Variants in SH3BP2 observed in about 807,000 individuals in gnomAD.
The protein encoded by SH3BP2 is SH3 domain-binding protein 2.
In SH3BP2, 38 loss-of-function variants were observed where a neutral mutation model predicts 56.2. The ratio of observed to expected loss-of-function variants is 0.68; its 90% confidence interval spans 0.52 to 0.89. The LOEUF is 0.89. Ranked by LOEUF, SH3BP2 falls within the 40% of genes least tolerant of loss-of-function variation. SH3BP2 has a pLI of 0.00. For missense variants in SH3BP2, 748 were observed against 762.6 expected (o/e 0.98, Z 0.23); for synonymous variants, 346 against 316.7 (o/e 1.09, Z -0.98).
rs9994090 is a variant in SH3BP2 at position 2,798,788 on chromosome 4, G to T, written c.-5+5650G>T. On this transcript the variant is annotated intron_variant, in intron 1 of 12. Coordinates refer to ENST00000503393, the MANE Select transcript of SH3BP2 (RefSeq NM_001122681.2). ...GCCATCACCTCTTGTGGCCTCAGGC[G>T]TTCCCAGGCTGAGACCTCTAGGAAC... Among the ~76,000 whole-genome samples the T allele has an allele frequency of 4.1e-3, 632 of 152,330 alleles. 5 individuals carry two copies. The highest frequency in any genetic ancestry group is 0.014 in the African/African-American group (601 of 41,566).
At chr4:2,813,879 G>A (rs1395535620) in intron 1 of SH3BP2, among the ~76,000 whole-genome samples, 3 of 152,206 alleles carry the variant, frequency 2.0e-5, no homozygotes, top group Admixed American at 6.5e-5. Context: ...ATGCATGAGT[G>A]TGACAGGATG....
At chr4:2,813,379 G>C (rs1723848280) in intron 1 of SH3BP2, among the ~76,000 whole-genome samples, 1 of 152,266 alleles carries the variant, frequency 6.6e-6, no homozygotes, top group Non-Finnish European at 1.5e-5. Flanking sequence ...TGAAGCTCAA[G>C]GTGTTGGATG....
rs538175251 is a variant in SH3BP2, at chr4:2,837,948, G to A, written c.*4114G>A. 2.0e-5 allele frequency: 3 copies of A among 152,238 alleles called. No homozygotes were observed. Among genetic ancestry groups the A allele is most frequent in the Non-Finnish European group, 2.9e-5 (2 of 68,094 alleles). 9.4% of individuals were successfully genotyped at this position (152,238 alleles called of 1,614,324 possible). A position where few individuals can be genotyped will look rare whatever the true frequency, so the allele number is the denominator to read the frequency against. ...CATCTTCCAGCCATTCTCACTGGAG[G>A]GAGATTTGATGGGTACAGAGCAGAC... On this transcript the variant is annotated 3_prime_UTR_variant, in exon 13 of 13. Transcript: ENST00000503393.
intron 1 of SH3BP2, chr4:2,818,408 G>A: frequency 1.7e-6 from 2 of 1,161,256 alleles, no homozygotes; most frequent in Non-Finnish European, 2.1e-6. Context: ...CCGAGCCCCG[G>A]CCCCCGAGCC....
In SH3BP2 at chr4:2,801,776, G is replaced by A. The variant is rs187334768; in HGVS notation, c.-5+8638G>A. ...AATAATAAACCCAGAGAGTAAAAACGAACAACATCCGGGAAAAAAACCCAT... is the reference window on the plus strand; with the variant it reads ...AATAATAAACCCAGAGAGTAAAAACAAACAACATCCGGGAAAAAAACCCAT... On this transcript the variant is annotated intron_variant, in intron 1 of 12. Coordinates refer to ENST00000503393, the MANE Select transcript of SH3BP2 (RefSeq NM_001122681.2). 1.9e-3 allele frequency among the ~76,000 whole-genome samples: 289 copies of A among 152,278 alleles called. 1 individual carries two copies. The highest frequency in any genetic ancestry group is 0.01 in the Middle Eastern group (3 of 294).
At chr4:2,828,923 C>T (rs960517164) in intron 7 of SH3BP2, among the ~76,000 whole-genome samples, 4 of 152,146 alleles carry the variant, frequency 2.6e-5, no homozygotes, top group African/African-American at 4.8e-5. Context: ...GAGGGATACC[C>T]GGGACTCAGA....
intron 8 of SH3BP2, among the ~76,000 whole-genome samples, chr4:2,830,605 C>T (rs372688186): frequency 1.1e-4 from 16 of 152,324 alleles, no homozygotes; most frequent in East Asian, 3.9e-4. Context: ...TCAAGTGATC[C>T]GCCTGCCTCG....
intron 5 of SH3BP2, among the ~76,000 whole-genome samples, chr4:2,825,910 A>T (rs973071800): frequency 9.2e-5 from 14 of 152,160 alleles, no homozygotes; most frequent in Non-Finnish European, 1.9e-4. Flanking sequence ...TACTCTCTGG[A>T]TTGGGACTTC....
intron 1 of SH3BP2, among the ~76,000 whole-genome samples, chr4:2,819,884 C>A (rs1395669912): frequency 6.6e-6 from 1 of 152,030 alleles, no homozygotes; most frequent in African/African-American, 2.4e-5. Flanking sequence ...GGGGGCAGGG[C>A]ATGATGTTGG....
intron 3 of SH3BP2, among the ~76,000 whole-genome samples, chr4:2,824,345 C>T (rs949618613): frequency 1.6e-4 from 25 of 152,114 alleles, no homozygotes; most frequent in African/African-American, 5.8e-4. Context: ...CATTGGCGGG[C>T]ATCGAGGCAG....
intron 2 of SH3BP2, 42 bp downstream of exon 2, chr4:2,820,795 G>A (rs974570536): frequency 1.0e-5 from 16 of 1,585,418 alleles, no homozygotes; most frequent in African/African-American, 1.3e-5. Context: ...GGAGGGCATG[G>A]GGGCAGGGCT....
chr4:2,824,583 A>T, intron 3 of SH3BP2, 30 bp from the exon 4 acceptor site: 1 of 1,557,758 alleles, frequency 6.4e-7, no homozygotes, highest in Non-Finnish European at 8.8e-7. Context: ...GCTGTGAACC[A>T]GGCCGTGACC....
At chr4:2,814,261 G>A (rs34661133) in intron 1 of SH3BP2, among the ~76,000 whole-genome samples, 19,096 of 152,220 alleles carry the variant, frequency 0.13, 1,304 homozygotes, top group African/African-American at 0.17. Flanking sequence ...CACGCCACAG[G>A]GCTCATGGGG....
At chr4:2,808,155 A>G (rs942778109) in intron 1 of SH3BP2, among the ~76,000 whole-genome samples, 9 of 152,206 alleles carry the variant, frequency 5.9e-5, no homozygotes, top group African/African-American at 2.2e-4. Context: ...TGAGGGGTCT[A>G]CAGGGCTGTG....
At chr4:2,819,059 C>T (rs1392188178) in intron 1 of SH3BP2, 7 of 200,382 alleles carry the variant, frequency 3.5e-5, no homozygotes, top group South Asian at 1.7e-4. Context: ...AAGCCTCCTC[C>T]GGGTACTATA....
At chr4:2,818,903 C>T (rs1190997084) in intron 1 of SH3BP2, 1 of 985,356 alleles carries the variant, frequency 1.0e-6, no homozygotes, top group Non-Finnish European at 1.2e-6. Flanking sequence ...TGCTGGTTTG[C>T]TAAAAGCAGA....
intron 1 of SH3BP2, among the ~76,000 whole-genome samples, chr4:2,807,163 G>A (rs968878066): frequency 2.6e-5 from 4 of 152,214 alleles, no homozygotes; most frequent in Admixed American, 6.5e-5. Context: ...GCGTGCCCAG[G>A]GCTGGCCGGC....
intron 5 of SH3BP2, chr4:2,826,992 C>G: frequency 7.5e-6 from 5 of 667,800 alleles, no homozygotes; most frequent in Non-Finnish European, 1.4e-5. Context: ...AGTATGTGTG[C>G]ATGTGTGTGT....
At chr4:2,823,416 C>G (rs1177755667) in intron 3 of SH3BP2, 5 of 462,878 alleles carry the variant, frequency 1.1e-5, no homozygotes, top group Non-Finnish European at 2.2e-5. Flanking sequence ...CCCAGCCAGC[C>G]CAGGCCCTGT....
Sources: gnomAD v4.1 joint callset for allele counts (sites outside exome capture counted in the v4.1 genomes callset) on GRCh38, gnomAD v4.1.1 for gene constraint, MANE v1.5 for transcripts, NCBI Gene and HGNC (gene_info 2026-07-23, HGNC 2026-07-21) for gene names.